Variants in ANXA10 observed in about 807,000 individuals in gnomAD.
ANXA10 encodes annexin 14.
In ANXA10, 49 loss-of-function variants were observed where a neutral mutation model predicts 53.5. The ratio of observed to expected loss-of-function variants is 0.92; its 90% CI spans 0.73 to 1.16. The LOEUF is 1.16. Among genes scored for constraint, ANXA10 ranks in the 50% most tolerant of loss-of-function variants. The pLI, the probability that ANXA10 is intolerant of heterozygous loss-of-function variation, is 0.00. For missense variants in ANXA10, 393 were observed against 394.4 expected (o/e 1.00, Z 0.03); for synonymous variants, 131 against 128.9 (o/e 1.02, Z -0.11).
chr4:168,096,208 T>C (rs956884513), intron 1 of ANXA10, among the ~76,000 whole-genome samples: 2 of 152,288 alleles, frequency 1.3e-5, no homozygotes, highest in East Asian at 1.9e-4. Flanking sequence ...TCTTTTCCTA[T>C]AGAAAGTAAT....
intron 4 of ANXA10, among the ~76,000 whole-genome samples, chr4:168,163,017 A>T (rs1426491509): frequency 6.6e-6 from 1 of 152,220 alleles, no homozygotes; most frequent in African/African-American, 2.4e-5. Flanking sequence ...TTGTTACATT[A>T]TTTGTAAAAA....
At chr4:168,132,916 A>G (rs1407304193) in intron 2 of ANXA10, among the ~76,000 whole-genome samples, 1 of 152,118 alleles carries the variant, frequency 6.6e-6, no homozygotes, top group Non-Finnish European at 1.5e-5. Context: ...ACTCACTAAA[A>G]TTGTTTTATA....
intron 1 of ANXA10, among the ~76,000 whole-genome samples, chr4:168,105,015 A>G (rs573257753): frequency 6.6e-6 from 1 of 152,048 alleles, no homozygotes; most frequent in Non-Finnish European, 1.5e-5. Context: ...GACTTGTGTG[A>G]TAAATGTAGA....
chr4:168,142,718 A>G (rs1731345982), intron 3 of ANXA10, among the ~76,000 whole-genome samples: 1 of 152,184 alleles, frequency 6.6e-6, no homozygotes, highest in Non-Finnish European at 1.5e-5. Context: ...TGTTTATTGA[A>G]TGACATTGTA....
At chr4:168,148,067 T>C (rs1731433568) in intron 3 of ANXA10, among the ~76,000 whole-genome samples, 3 of 152,150 alleles carry the variant, frequency 2.0e-5, no homozygotes, top group Admixed American at 2.0e-4. Context: ...ACCCCATGTG[T>C]TTCAGCTTTG....
intron 8 of ANXA10, chr4:168,178,279 T>C: frequency 5.9e-6 from 2 of 341,254 alleles, no homozygotes; most frequent in Admixed American, 4.5e-5. Context: ...ATTAGGTATA[T>C]TATATGTTGT....
chr4:168,145,385 C>A (rs1475623871), intron 3 of ANXA10, among the ~76,000 whole-genome samples: 1 of 152,222 alleles, frequency 6.6e-6, no homozygotes, highest in Non-Finnish European at 1.5e-5. Flanking sequence ...CTTGCAAAGG[C>A]AGCCAAGGGG....
At chr4:168,151,930 C>G (rs566825302) in intron 3 of ANXA10, among the ~76,000 whole-genome samples, 11 of 152,266 alleles carry the variant, frequency 7.2e-5, no homozygotes, top group Non-Finnish European at 1.3e-4. Flanking sequence ...AAGAATGACT[C>G]CAAACAAATA....
At chr4:168,126,470 C>T (rs544473123) in intron 1 of ANXA10, among the ~76,000 whole-genome samples, 2 of 152,252 alleles carry the variant, frequency 1.3e-5, no homozygotes, top group South Asian at 4.1e-4. Flanking sequence ...CACTCTCTTA[C>T]TTAGTAACCT....
intron 1 of ANXA10, among the ~76,000 whole-genome samples, chr4:168,108,944 A>G (rs1560959438): frequency 1.3e-5 from 2 of 152,150 alleles, no homozygotes; most frequent in Non-Finnish European, 2.9e-5. Flanking sequence ...AACCTCATCT[A>G]GGTTGGTAAG....
At chr4:168,185,111 G>C (rs1328638742) in intron 11 of ANXA10, among the ~76,000 whole-genome samples, 1 of 151,846 alleles carries the variant, frequency 6.6e-6, no homozygotes, top group Admixed American at 6.6e-5. Context: ...CTGAGATTGC[G>C]CCACTGCACT....
intron 11 of ANXA10, 113 bp downstream of exon 11, chr4:168,184,794 G>A (rs1377549721): frequency 7.1e-7 from 1 of 1,400,476 alleles, no homozygotes; most frequent in South Asian, 1.3e-5. Flanking sequence ...TAACTATTCA[G>A]ACAGGGATAA....
At chr4:168,138,161 C>T (rs928551711) in intron 2 of ANXA10, among the ~76,000 whole-genome samples, 2 of 151,970 alleles carry the variant, frequency 1.3e-5, no homozygotes, top group Non-Finnish European at 2.9e-5. Flanking sequence ...TGGGGTTTCA[C>T]CATGTTAGCC....
At chr4:168,128,916 G>A (rs1440249259) in intron 2 of ANXA10, among the ~76,000 whole-genome samples, 1 of 151,658 alleles carries the variant, frequency 6.6e-6, no homozygotes, top group Non-Finnish European at 1.5e-5. Context: ...AGAGAAGAAG[G>A]GAGGACAATT....
intron 2 of ANXA10, among the ~76,000 whole-genome samples, chr4:168,130,328 C>A (rs1731138273): frequency 6.6e-6 from 1 of 152,076 alleles, no homozygotes. Flanking sequence ...CCCACTTAAT[C>A]ATGAAATATA....
At chr4:168,118,012 A>ATACAGGAG (rs70957899) in intron 1 of ANXA10, among the ~76,000 whole-genome samples, 72,894 of 151,436 alleles carry the variant, frequency 0.48, 18,675 homozygotes, top group Non-Finnish European at 0.58. Flanking sequence ...ATGTGGGAGA[A>ATACAGGAG]TACAGGAGTA....
intron 4 of ANXA10, 151 bp downstream of exon 4, chr4:168,162,792 GT>G (rs1176545728): frequency 1.4e-6 from 1 of 690,182 alleles, no homozygotes; most frequent in East Asian, 2.7e-5. Flanking sequence ...AAATGTTGTG[GT>G]CAAGGGCAGT....
chr4:168,156,427 TATATA>T (rs1183732793), intron 3 of ANXA10, among the ~76,000 whole-genome samples: 2 of 118,804 alleles, frequency 1.7e-5, no homozygotes, highest in Non-Finnish European at 3.4e-5. Context: ...TTATATATAC[TATATA>T]ATATATAATT....
At position 168,177,996 on chromosome 4, in the gene ANXA10, T is replaced by C; in HGVS notation, c.628+13T>C. ...CAGCTGCGGCTGGGTAATTATTAACTGGGTTTCGTTCCAGCTACTTGACCA... is the reference window on the plus strand; with the variant it reads ...CAGCTGCGGCTGGGTAATTATTAACCGGGTTTCGTTCCAGCTACTTGACCA... On this transcript the variant is annotated intron_variant, in intron 8 of 11. Transcript: ENST00000359299. 2 of 1,611,308 alleles carry C rather than the reference T, an allele frequency of 1.2e-6. No individual in the cohort carries two copies. The highest frequency in any genetic ancestry group is 2.2e-5 in the East Asian group (1 of 44,876).
Sources: allele counts gnomAD v4.1 joint callset (sites outside exome capture counted in the v4.1 genomes callset), GRCh38; gene constraint gnomAD v4.1.1; transcripts MANE v1.5; gene names NCBI Gene and HGNC (gene_info 2026-07-23, HGNC 2026-07-21).